Variants in CDC42SE2 observed in about 807,000 individuals in gnomAD.
CDC42SE2 encodes the protein CDC42 small effector protein 2.
A neutral mutation model predicts 11.5 loss-of-function variants in CDC42SE2; 3 were observed. The ratio of observed to expected loss-of-function variants is 0.26; its 90% CI spans 0.12 to 0.67. The LOEUF (loss-of-function observed/expected upper bound fraction) is 0.67, where lower values mean the gene tolerates loss of function less well. Among genes scored for constraint, CDC42SE2 ranks in the 30% least tolerant of loss-of-function variants. CDC42SE2 has a pLI of 0.80. For missense variants in CDC42SE2, 82 were observed against 106.8 expected, an observed-to-expected ratio of 0.77 and a Z score of 1.02; for synonymous variants, 33 against 34.8, an observed-to-expected ratio of 0.95 and a Z score of 0.18.
At chr5:131,359,850 A>G (rs1021964537) in intron 3 of CDC42SE2, among the ~76,000 whole-genome samples, 4 of 152,310 alleles carry the variant, frequency 2.6e-5, no homozygotes, top group African/African-American at 9.6e-5. Flanking sequence ...GGTAAAACAG[A>G]TAAATCAGCC....
chr5:131,311,669 C>A (rs1187803847), intron 1 of CDC42SE2, among the ~76,000 whole-genome samples: 1 of 152,100 alleles, frequency 6.6e-6, no homozygotes, highest in Middle Eastern at 3.4e-3. Context: ...TCTGAACTTC[C>A]CTTCTCACTT....
the CDC42SE2 span, among the ~76,000 whole-genome samples, chr5:131,234,648 G>GA: frequency 6.9e-6 from 1 of 145,698 alleles, no homozygotes; most frequent in Non-Finnish European, 1.5e-5. Context: ...AAAAAAAAAA[G>GA]AAAAAAAAAG....
intron 1 of CDC42SE2, among the ~76,000 whole-genome samples, chr5:131,264,370 A>G (rs2149688007): frequency 6.6e-6 from 1 of 152,056 alleles, no homozygotes; most frequent in South Asian, 2.1e-4. Context: ...ATGCCCTAGG[A>G]CCCTGCCTTT....
chr5:131,291,706 G>A (rs1023468309), intron 1 of CDC42SE2, among the ~76,000 whole-genome samples: 3 of 152,022 alleles, frequency 2.0e-5, no homozygotes, highest in African/African-American at 7.2e-5. Flanking sequence ...AAGTAATCTT[G>A]CAAGTTTTAT....
At chr5:131,326,742 A>T (rs953768729) in intron 2 of CDC42SE2, among the ~76,000 whole-genome samples, 5 of 151,682 alleles carry the variant, frequency 3.3e-5, no homozygotes, top group Non-Finnish European at 7.4e-5. Context: ...GTCCTTCTTG[A>T]TATTTTTTAC....
At chr5:131,333,681 A>G (rs1012082720) in intron 2 of CDC42SE2, among the ~76,000 whole-genome samples, 34 of 152,236 alleles carry the variant, frequency 2.2e-4, no homozygotes, top group Admixed American at 4.6e-4. Flanking sequence ...GAGGTCCTTC[A>G]CATCCCTTGT....
At chr5:131,212,388 G>A in the CDC42SE2 span, among the ~76,000 whole-genome samples, 4 of 152,288 alleles carry the variant, frequency 2.6e-5, no homozygotes, top group African/African-American at 4.8e-5. Context: ...GATTACAGGC[G>A]TGAGCTACTG....
intron 1 of CDC42SE2, among the ~76,000 whole-genome samples, chr5:131,282,143 A>G (rs986958008): frequency 6.6e-6 from 1 of 152,202 alleles, no homozygotes; most frequent in South Asian, 2.1e-4. Context: ...CTTAAAGGAA[A>G]GTTTTAAGGT....
chr5:131,243,403 T>C (rs563766667), upstream of CDC42SE2, among the ~76,000 whole-genome samples: 1 of 151,996 alleles, frequency 6.6e-6, no homozygotes, highest in Admixed American at 6.6e-5. Flanking sequence ...AGTGTGAAAC[T>C]GTGAAACCCC....
chr5:131,288,292 A>G (rs185765446), intron 1 of CDC42SE2, among the ~76,000 whole-genome samples: 1 of 152,200 alleles, frequency 6.6e-6, no homozygotes, highest in Admixed American at 6.6e-5. Context: ...TTTTCCTCTT[A>G]TAATGTGGAA....
At chr5:131,233,568 C>A in the CDC42SE2 span, among the ~76,000 whole-genome samples, 51,809 of 151,988 alleles carry the variant, frequency 0.34, 13,033 homozygotes, top group African/African-American at 0.72. Context: ...GGGTTTCACC[C>A]TGTTGGCCAA....
intron 2 of CDC42SE2, among the ~76,000 whole-genome samples, chr5:131,351,213 G>A (rs1396413561): frequency 3.3e-5 from 5 of 151,978 alleles, no homozygotes; most frequent in African/African-American, 1.2e-4. Flanking sequence ...GTCTCCCAGA[G>A]TGCTGAGATT....
At chr5:131,242,784 T>C (rs568421328), upstream of CDC42SE2, among the ~76,000 whole-genome samples, 2 of 152,282 alleles carry the variant, frequency 1.3e-5, no homozygotes, top group South Asian at 2.1e-4. Context: ...CAAGATTCTT[T>C]CTAGTTGCAG....
chr5:131,235,993 C>A, the CDC42SE2 span, among the ~76,000 whole-genome samples: 1 of 152,182 alleles, frequency 6.6e-6, no homozygotes, highest in African/African-American at 2.4e-5. Flanking sequence ...AAGTTAAAAA[C>A]CGTTTTTTAT....
At chr5:131,289,074 T>C (rs1290950377) in intron 1 of CDC42SE2, among the ~76,000 whole-genome samples, 1 of 152,214 alleles carries the variant, frequency 6.6e-6, no homozygotes, top group Non-Finnish European at 1.5e-5. Flanking sequence ...CATTAATGTT[T>C]TTCATCATAA....
intron 1 of CDC42SE2, among the ~76,000 whole-genome samples, chr5:131,283,985 G>T (rs760067763): frequency 3.9e-5 from 6 of 152,166 alleles, no homozygotes; most frequent in African/African-American, 1.4e-4. Flanking sequence ...ATATACCTAG[G>T]AGTAGAGTTG....
chr5:131,301,002 A>G (rs1187699705), intron 1 of CDC42SE2, among the ~76,000 whole-genome samples: 1 of 152,216 alleles, frequency 6.6e-6, no homozygotes, highest in Non-Finnish European at 1.5e-5. Context: ...TCTTCGTTTT[A>G]TAGTTAGTGA....
chr5:131,358,960 C>G (rs1463006393), intron 2 of CDC42SE2, among the ~76,000 whole-genome samples: 1 of 152,058 alleles, frequency 6.6e-6, no homozygotes, highest in African/African-American at 2.4e-5. Flanking sequence ...TAAAATAATC[C>G]ATACTTTTAT....
At chr5:131,386,328 G>T (rs2149789403) in intron 4 of CDC42SE2, among the ~76,000 whole-genome samples, 1 of 152,328 alleles carries the variant, frequency 6.6e-6, no homozygotes, top group East Asian at 1.9e-4. Context: ...ACCTCCTGTT[G>T]TGCAGCCCGG....
Sources: gnomAD v4.1 joint callset for allele counts (sites outside exome capture counted in the v4.1 genomes callset) on GRCh38, gnomAD v4.1.1 for gene constraint, MANE v1.5 for transcripts, NCBI Gene and HGNC (gene_info 2026-07-23, HGNC 2026-07-21) for gene names.